Variants in SCHIP1 observed in about 807,000 individuals in gnomAD.
SCHIP1 encodes schwannomin interacting protein 1, also known as schwannomin-interacting protein 1.
In SCHIP1, 8 loss-of-function variants were observed where a neutral mutation model predicts 29.7. That is an observed-to-expected ratio of 0.27 (90% confidence interval 0.16 to 0.49). SCHIP1 has a LOEUF of 0.49. SCHIP1 is among the 20% of genes least tolerant of loss of function. SCHIP1 has a pLI of 0.99. For missense variants in SCHIP1, 193 were observed against 294.6 expected, an observed-to-expected ratio of 0.66 and a Z score of 2.52; for synonymous variants, 76 against 94.9, an observed-to-expected ratio of 0.80 and a Z score of 1.16.
the SCHIP1 span, among the ~76,000 whole-genome samples, chr3:159,820,701 C>G: frequency 1.3e-5 from 2 of 152,046 alleles, no homozygotes; most frequent in Admixed American, 6.5e-5. Flanking sequence ...CTTTAAGATA[C>G]TTGTTAAATA....
At chr3:159,499,987 A>AT in the SCHIP1 span, among the ~76,000 whole-genome samples, 84,194 of 149,496 alleles carry the variant, frequency 0.56, 23,605 homozygotes, top group East Asian at 0.68. Context: ...CATTTTATAC[A>AT]TTTTTTTTTT....
the SCHIP1 span, among the ~76,000 whole-genome samples, chr3:159,725,774 C>T: frequency 6.6e-6 from 1 of 152,046 alleles, no homozygotes; most frequent in East Asian, 1.9e-4. Context: ...CCAATGGTCA[C>T]AGGAAAGAAA....
chr3:159,473,618 T>C, the SCHIP1 span, among the ~76,000 whole-genome samples: 1 of 149,074 alleles, frequency 6.7e-6, no homozygotes, highest in Non-Finnish European at 1.5e-5. Flanking sequence ...TTTATTGAAT[T>C]TGGGCAAGAA....
the SCHIP1 span, among the ~76,000 whole-genome samples, chr3:159,473,483 G>A: frequency 6.6e-6 from 1 of 151,914 alleles, no homozygotes; most frequent in Non-Finnish European, 1.5e-5. Context: ...TGGAGCTATA[G>A]TTGTTGATCA....
chr3:159,637,363 G>A, the SCHIP1 span, among the ~76,000 whole-genome samples: 26 of 123,026 alleles, frequency 2.1e-4, no homozygotes, highest in African/African-American at 8.3e-4. Flanking sequence ...AAGAAACCCC[G>A]GCCCCAGCCA....
intron 2 of SCHIP1, among the ~76,000 whole-genome samples, chr3:159,869,233 G>T (rs1009058): frequency 0.3 from 45,082 of 151,644 alleles, 7,181 homozygotes; most frequent in East Asian, 0.6. Context: ...CAGAAGTTCT[G>T]AATTTTATAG....
chr3:159,818,413 G>C, the SCHIP1 span, among the ~76,000 whole-genome samples: 2 of 152,230 alleles, frequency 1.3e-5, no homozygotes, highest in Non-Finnish European at 2.9e-5. Context: ...TTTGTCACCA[G>C]CTTCTCTCCT....
chr3:159,560,208 G>GA, the SCHIP1 span, among the ~76,000 whole-genome samples: 1 of 152,206 alleles, frequency 6.6e-6, no homozygotes, highest in East Asian at 1.9e-4. Flanking sequence ...TAATATCCTA[G>GA]AAAAAATGTA....
the SCHIP1 span, among the ~76,000 whole-genome samples, chr3:159,567,086 G>A: frequency 6.6e-5 from 10 of 152,042 alleles, no homozygotes; most frequent in African/African-American, 2.4e-4. Flanking sequence ...TGCAGTATTT[G>A]GGATATTTCC....
At chr3:159,896,843 C>A in exon 7 of SCHIP1, 1 of 1,490,344 alleles carries the variant, frequency 6.7e-7, no homozygotes, top group Non-Finnish European at 9.0e-7. Context: ...AATGCTGTTG[C>A]TAAAGGTGGC....
chr3:159,551,446 A>C, the SCHIP1 span, among the ~76,000 whole-genome samples: 2 of 152,268 alleles, frequency 1.3e-5, no homozygotes, highest in Non-Finnish European at 2.9e-5. Flanking sequence ...CTTTATCACT[A>C]GCTTTAGTGC....
At chr3:159,575,802 C>T in the SCHIP1 span, among the ~76,000 whole-genome samples, 1 of 152,120 alleles carries the variant, frequency 6.6e-6, no homozygotes, top group Non-Finnish European at 1.5e-5. Context: ...TTCTACACTC[C>T]TAAAAGCTTT....
chr3:159,660,187 T>A, the SCHIP1 span, among the ~76,000 whole-genome samples: 1 of 151,774 alleles, frequency 6.6e-6, no homozygotes, highest in Non-Finnish European at 1.5e-5. Context: ...GGCAGTTGAT[T>A]TAGTGCCCTC....
At chr3:159,384,172 T>G in the SCHIP1 span, among the ~76,000 whole-genome samples, 46,885 of 149,066 alleles carry the variant, frequency 0.31, 9,137 homozygotes, top group Non-Finnish European at 0.45. Flanking sequence ...AGAGAGGGCA[T>G]CCCTGTCTTG....
the SCHIP1 span, among the ~76,000 whole-genome samples, chr3:159,649,991 G>C: frequency 6.6e-6 from 1 of 152,130 alleles, no homozygotes. Context: ...TAATAGCATA[G>C]CTACACTTTT....
chr3:159,386,495 A>C, the SCHIP1 span, among the ~76,000 whole-genome samples: 5 of 152,236 alleles, frequency 3.3e-5, no homozygotes, highest in African/African-American at 9.6e-5. Context: ...ATTCAATGCT[A>C]TCCCAATCAA....
chr3:159,533,883 G>A, the SCHIP1 span, among the ~76,000 whole-genome samples: 1 of 152,324 alleles, frequency 6.6e-6, no homozygotes, highest in African/African-American at 2.4e-5. Flanking sequence ...GAATTGGCCA[G>A]AGAAGGTACA....
At chr3:159,829,670 G>A in the SCHIP1 span, among the ~76,000 whole-genome samples, 1 of 152,200 alleles carries the variant, frequency 6.6e-6, no homozygotes, top group Non-Finnish European at 1.5e-5. Context: ...ATAAATATGT[G>A]TCATTGACCA....
At chr3:159,818,627 C>T in the SCHIP1 span, among the ~76,000 whole-genome samples, 1 of 152,242 alleles carries the variant, frequency 6.6e-6, no homozygotes, top group African/African-American at 2.4e-5. Flanking sequence ...TGTCTGTCAT[C>T]AGCACCAGGA....
Sources: allele counts gnomAD v4.1 joint callset (sites outside exome capture counted in the v4.1 genomes callset), GRCh38; gene constraint gnomAD v4.1.1; transcripts MANE v1.5; gene names NCBI Gene and HGNC (gene_info 2026-07-23, HGNC 2026-07-21).